SRSF7: variants seen among roughly 807,000 people sequenced by gnomAD.
The protein encoded by SRSF7 is serine/arginine-rich splicing factor 7.
In SRSF7, 15 loss-of-function variants were observed where a neutral mutation model predicts 42.2. That is an observed-to-expected ratio of 0.36 (90% CI 0.24 to 0.55). SRSF7 has a LOEUF of 0.55. Ranked by LOEUF, SRSF7 falls within the 20% of genes least tolerant of loss-of-function variation. The probability of loss-of-function intolerance (pLI) is 0.88; values close to 1 mark genes in which losing one functional copy is unlikely to be tolerated. For synonymous variants in SRSF7, 138 were observed against 107.9 expected, an observed-to-expected ratio of 1.28 and a Z score of -1.73; for missense variants, 181 against 305.9, an observed-to-expected ratio of 0.59 and a Z score of 3.04.
chr2:38,745,150 G>A lies in SRSF7; in HGVS notation c.700C>T (p.Pro234Ser). ...TGAGAGCTTCAGTCCATTCTTTCAG[G>A]ACTTGCACTTCTGCGAGGACTTCCT... ...PSGSPRRSAS[P>S]ERMD is the part of the protein sequence containing the mutation. The change falls in exon 8 of 8, where the codon CCT becomes TCT. Residue 234 changes from proline (P) to serine (S), a missense_variant. This residue lies in a region of SRSF7 where 136 missense variants were observed against 147.8 expected (regional missense o/e 0.92). Coordinates refer to ENST00000313117, the MANE Select transcript of SRSF7 (RefSeq NM_001031684.3). 1 of 1,614,118 alleles carries A rather than the reference G, an allele frequency of 6.2e-7. No individual in the cohort carries two copies. Among genetic ancestry groups the A allele is most frequent in the East Asian group, 2.2e-5 (1 of 44,878 alleles).
upstream of SRSF7, chr2:38,751,365 G>C (rs1206678436): frequency 9.4e-6 from 14 of 1,491,324 alleles, no homozygotes; most frequent in South Asian, 1.5e-4. Flanking sequence ...GCACTACGAG[G>C]AAGAGCCCGG....
chr2:38,746,878 T>C (rs1298750183), intron 5 of SRSF7, 131 bp from the exon 6 acceptor site: 2 of 1,450,012 alleles, frequency 1.4e-6, no homozygotes, highest in African/African-American at 2.8e-5. Context: ...CTTGCCTTAT[T>C]CTGTCTAACA....
chr2:38,748,003 T>C (rs1166471649), intron 5 of SRSF7, 44 bp downstream of exon 5: 4 of 1,401,684 alleles, frequency 2.9e-6, no homozygotes, highest in Non-Finnish European at 4.0e-6. Context: ...ACTGATAAGA[T>C]GTGAACAATC....
intron 1 of SRSF7, 37 bp from the exon 2 acceptor site, chr2:38,750,231 C>A: frequency 6.4e-7 from 1 of 1,551,808 alleles, no homozygotes; most frequent in Non-Finnish European, 8.7e-7. Flanking sequence ...GCACGTTACG[C>A]AAAATCTGGC....
intron 1 of SRSF7, chr2:38,750,835 G>A (rs951227192): frequency 1.5e-5 from 4 of 268,316 alleles, no homozygotes; most frequent in Non-Finnish European, 2.2e-5. Context: ...GCTGCGGCCA[G>A]ATCTGTCCGC....
chr2:38,751,347 TC>T lies in SRSF7; in HGVS notation c.-92del. The T allele has an allele frequency of 8.8e-6, 14 of 1,583,442 alleles. No homozygotes were observed. Among genetic ancestry groups the T allele is most frequent in the South Asian group, 6.6e-5 (6 of 90,298 alleles). On this transcript the variant is annotated 5_prime_UTR_variant, in exon 1 of 8. Coordinates refer to ENST00000313117, the MANE Select transcript of SRSF7 (RefSeq NM_001031684.3). ...GACACACACCTTCACCCGCCAAGAG[TC>T]CCGGCGGCACTACGAGGAAGAGCCC...
intron 5 of SRSF7, among the ~76,000 whole-genome samples, chr2:38,747,500 C>A (rs1667637367): frequency 6.6e-6 from 1 of 152,060 alleles, no homozygotes; most frequent in Admixed American, 6.5e-5. Flanking sequence ...TCCATTCTAT[C>A]TCCTTTTAAG....
intron 5 of SRSF7, among the ~76,000 whole-genome samples, chr2:38,747,653 A>T (rs187188498): frequency 1.4e-4 from 21 of 152,282 alleles, no homozygotes; most frequent in Admixed American, 3.3e-4. Context: ...CATCATTCCA[A>T]AAATGAGAAA....
chr2:38,748,223 C>T (rs111439085), intron 4 of SRSF7, 66 bp from the exon 5 acceptor site: 1 of 1,251,054 alleles, frequency 8.0e-7, no homozygotes, highest in Non-Finnish European at 1.1e-6. Context: ...AAGACTTCAA[C>T]TGGGGAACGG....
At chr2:38,746,298 C>A in intron 6 of SRSF7, 119 bp from the exon 7 acceptor site, 1 of 1,143,516 alleles carries the variant, frequency 8.7e-7, no homozygotes, top group Non-Finnish European at 1.3e-6. Context: ...TGCACTTAAA[C>A]TGAAAAACAT....
chr2:38,749,117 G>GC, intron 3 of SRSF7: 2 of 1,316,430 alleles, frequency 1.5e-6, no homozygotes, highest in African/African-American at 1.5e-5. Flanking sequence ...CCGGAGGGGG[G>GC]CCCCAATTGT....
chr2:38,751,332 T>C lies in SRSF7; in HGVS notation c.-76A>G. On this transcript the variant is annotated 5_prime_UTR_variant, in exon 1 of 8. Coordinates refer to ENST00000313117, the MANE Select transcript of SRSF7 (RefSeq NM_001031684.3). ...AGTGACGCAAAAGCTGACACACACC[T>C]TCACCCGCCAAGAGTCCCGGCGGCA... is the stretch of plus-strand genomic sequence containing the variant. The C allele has an allele frequency of 1.5e-3, 2,438 of 1,598,418 alleles. 8 individuals carry two copies. The highest frequency in any genetic ancestry group is 7.3e-3 in the South Asian group (661 of 90,712).
chr2:38,749,384 A>T (rs1161021820), intron 3 of SRSF7, 145 bp downstream of exon 3: 1 of 1,542,856 alleles, frequency 6.5e-7, no homozygotes, highest in Non-Finnish European at 8.7e-7. Flanking sequence ...TAATATAGTA[A>T]CATTTTTTTA....
intron 5 of SRSF7, 54 bp from the exon 6 acceptor site, chr2:38,746,801 C>A (rs983717984): frequency 1.9e-6 from 3 of 1,605,626 alleles, no homozygotes; most frequent in Non-Finnish European, 2.5e-6. Flanking sequence ...AAGGAATTTC[C>A]TTAACTACTC....
intron 4 of SRSF7, 109 bp downstream of exon 4, chr2:38,748,470 G>A: frequency 1.8e-6 from 2 of 1,120,468 alleles, no homozygotes; most frequent in South Asian, 2.5e-5. Context: ...TCCAGCCCGG[G>A]TGACAGAGCA....
chr2:38,744,640 A>T lies in SRSF7; in HGVS notation c.*493T>A. On this transcript the variant is annotated 3_prime_UTR_variant, in exon 8 of 8. Transcript: ENST00000313117. ...TTCAAACGGATTAGCTAACTTAAGG[A>T]TCTGTCATGATGCATTCAGGCTGTA... 1.3e-5 allele frequency: 2 copies of T among 154,626 alleles called. No individual in the cohort carries two copies. Among genetic ancestry groups the T allele is most frequent in the African/African-American group, 4.8e-5 (2 of 41,434 alleles). The allele number at this position is 154,626 out of a possible 1,614,324, so 9.6% of individuals were successfully genotyped here. A position where few individuals can be genotyped will look rare whatever the true frequency, so the allele number is the denominator to read the frequency against.
At chr2:38,748,690 C>T in intron 3 of SRSF7, 37 bp from the exon 4 acceptor site, 1 of 1,595,342 alleles carries the variant, frequency 6.3e-7, no homozygotes, top group South Asian at 1.1e-5. Context: ...AAATGTCAGA[C>T]AATAACTCGT....
chr2:38,751,467 A>T (rs570804709), upstream of SRSF7: 52 of 628,898 alleles, frequency 8.3e-5, 1 homozygote, highest in South Asian at 9.3e-4. Flanking sequence ...AACAGCCAAG[A>T]AACGACGCGG....
Position 38,751,216 on chromosome 2 carries a change from T to A in SRSF7, c.28+13A>T. The A allele has an allele frequency of 6.2e-7, 1 of 1,614,040 alleles. No homozygotes were observed. Among genetic ancestry groups the A allele is most frequent in the Non-Finnish European group, 8.5e-7 (1 of 1,179,952 alleles). ...CCCACACCAACGTCCCTCACCGGAC[T>A]CCAGCTTCTTACCTCCTCCGTACCG... On this transcript the variant is annotated intron_variant, in intron 1 of 7. Transcript: ENST00000313117.
Sources: allele counts gnomAD v4.1 joint callset (sites outside exome capture counted in the v4.1 genomes callset), GRCh38; gene constraint gnomAD v4.1.1; regional missense constraint gnomAD v4.1.1; transcripts MANE v1.5; gene names NCBI Gene and HGNC (gene_info 2026-07-23, HGNC 2026-07-21).